ASTN2: variants seen among roughly 807,000 people sequenced by gnomAD.
The protein encoded by ASTN2 is astrotactin-2.
A neutral mutation model predicts 139.8 loss-of-function variants in ASTN2; 54 were observed. The observed-to-expected ratio is 0.39, with a 90% CI of 0.31 to 0.48. The LOEUF is 0.48. Ranked by LOEUF, ASTN2 falls within the 20% of genes least tolerant of loss-of-function variation. ASTN2 has a pLI of 0.95. For synonymous variants in ASTN2, 756 were observed against 719.5 expected, an observed-to-expected ratio of 1.05 and a Z score of -0.81; for missense variants, 1,565 against 1,725.1, an observed-to-expected ratio of 0.91 and a Z score of 1.64.
chr9:117,010,325 C>T (rs1451225450), intron 6 of ASTN2, among the ~76,000 whole-genome samples: 1 of 152,064 alleles, frequency 6.6e-6, no homozygotes, highest in Non-Finnish European at 1.5e-5. Context: ...ACATCAGTAC[C>T]AACTACAGAT....
chr9:117,268,631 C>A (rs536924799), intron 2 of ASTN2, among the ~76,000 whole-genome samples: 1 of 152,310 alleles, frequency 6.6e-6, no homozygotes, highest in South Asian at 2.1e-4. Flanking sequence ...GTGCTTAACA[C>A]AAGACCTTGT....
chr9:116,472,584 T>G (rs745922527), intron 20 of ASTN2, among the ~76,000 whole-genome samples: 30 of 152,064 alleles, frequency 2.0e-4, no homozygotes, highest in Non-Finnish European at 2.8e-4. Context: ...CAAGTGCAGA[T>G]TTTGGAGCTA....
chr9:117,254,630 A>T (rs577376598), intron 2 of ASTN2, among the ~76,000 whole-genome samples: 51 of 152,318 alleles, frequency 3.3e-4, no homozygotes, highest in African/African-American at 1.2e-3. Context: ...ATTATGTCCC[A>T]TTGGGGCCCA....
chr9:116,534,387 T>C (rs1007176244), intron 19 of ASTN2, among the ~76,000 whole-genome samples: 5 of 152,220 alleles, frequency 3.3e-5, no homozygotes, highest in African/African-American at 1.2e-4. Flanking sequence ...TCTTAGTTAT[T>C]TCTTGCCTTC....
rs769778007 is a variant in ASTN2, at chr9:117,360,631, G to A, written c.442+53866C>T. Among the ~76,000 whole-genome samples the A allele has an allele frequency of 7.6e-4, 115 of 152,184 alleles. 1 individual carries two copies. Among genetic ancestry groups the A allele is most frequent in the Non-Finnish European group, 1.1e-3 (76 of 68,008 alleles). On this transcript the variant is annotated intron_variant, in intron 1 of 22. Coordinates refer to ENST00000313400, the MANE Select transcript of ASTN2 (RefSeq NM_001365068.1). ...AGCTGTGCAGATAACCAGAATTGAT[G>A]AGGTTTCTTTCCAAGTTCATGACTC...
At chr9:116,462,819 T>TGTGTGC (rs1180092628) in intron 20 of ASTN2, among the ~76,000 whole-genome samples, 3 of 151,678 alleles carry the variant, frequency 2.0e-5, no homozygotes, top group African/African-American at 7.3e-5. Context: ...TGTGTGTGTG[T>TGTGTGC]GTGTGTGTGT....
At chr9:116,768,689 C>T (rs140743587) in intron 13 of ASTN2, among the ~76,000 whole-genome samples, 8 of 152,110 alleles carry the variant, frequency 5.3e-5, no homozygotes, top group Non-Finnish European at 1.0e-4. Context: ...CTGAGAGACC[C>T]GCTTGCCTCT....
chr9:117,141,276 T>C (rs1193869279), intron 4 of ASTN2, 50 bp downstream of exon 4: 1 of 1,353,918 alleles, frequency 7.4e-7, no homozygotes, highest in Non-Finnish European at 9.9e-7. Context: ...ATCTTTGGAA[T>C]CAGAGGACAA....
rs1376188013 is a variant in ASTN2, at chr9:116,733,536, G to A, written c.2397-13C>T. The A allele has an allele frequency of 6.2e-7, 1 of 1,614,070 alleles. No homozygotes were observed. On this transcript the variant is annotated splice_polypyrimidine_tract_variant and intron_variant, in intron 13 of 22. Transcript: ENST00000313400. ...GAAGTTGTTCTCCCTGTGGAGAGGA[G>A]CAGAGAGACTGCCAAATCGAGGAAG...
chr9:116,667,700 T>G (rs1414973453), intron 16 of ASTN2, among the ~76,000 whole-genome samples: 1 of 152,202 alleles, frequency 6.6e-6, no homozygotes, highest in Non-Finnish European at 1.5e-5. Flanking sequence ...TGTACTGTTT[T>G]GATTCTTTCT....
chr9:116,564,494 G>A (rs1235459688), intron 19 of ASTN2, among the ~76,000 whole-genome samples: 1 of 152,200 alleles, frequency 6.6e-6, no homozygotes, highest in Non-Finnish European at 1.5e-5. Flanking sequence ...AAACGGGTGT[G>A]TAACAAAGTC....
intron 1 of ASTN2, among the ~76,000 whole-genome samples, chr9:117,382,191 T>C (rs973324179): frequency 3.3e-5 from 5 of 152,042 alleles, no homozygotes; most frequent in African/African-American, 1.2e-4. Flanking sequence ...TGCCCAGTTG[T>C]AGGAGTCCAA....
intron 11 of ASTN2, among the ~76,000 whole-genome samples, chr9:116,832,562 A>T (rs1399772320): frequency 6.6e-6 from 1 of 152,010 alleles, no homozygotes; most frequent in African/African-American, 2.4e-5. Context: ...AAGTTTTAAA[A>T]ATCATTTTCG....
intron 13 of ASTN2, among the ~76,000 whole-genome samples, chr9:116,761,418 A>G (rs1829669327): frequency 6.6e-6 from 1 of 152,234 alleles, no homozygotes; most frequent in Non-Finnish European, 1.5e-5. Context: ...CTGCAAGAGA[A>G]GAGCGCAGAG....
intron 19 of ASTN2, among the ~76,000 whole-genome samples, chr9:116,614,165 G>A (rs916941641): frequency 1.3e-5 from 2 of 152,086 alleles, no homozygotes; most frequent in Non-Finnish European, 2.9e-5. Flanking sequence ...CAACTTACAA[G>A]GGATGTGAAG....
At chr9:116,819,870 T>C (rs2132268945) in intron 12 of ASTN2, among the ~76,000 whole-genome samples, 1 of 152,324 alleles carries the variant, frequency 6.6e-6, no homozygotes, top group Non-Finnish European at 1.5e-5. Context: ...TTGCAGTCTT[T>C]AAATGGAAAG....
At chr9:117,281,771 C>T (rs955986337) in intron 2 of ASTN2, among the ~76,000 whole-genome samples, 2 of 152,132 alleles carry the variant, frequency 1.3e-5, no homozygotes, top group South Asian at 2.1e-4. Flanking sequence ...TCCCTTCTCC[C>T]AGACTCCCTG....
chr9:116,995,755 C>T (rs1836995325), intron 7 of ASTN2, among the ~76,000 whole-genome samples: 1 of 152,264 alleles, frequency 6.6e-6, no homozygotes, highest in South Asian at 2.1e-4. Flanking sequence ...ATTTAGTTTC[C>T]TCACTTGTAA....
At chr9:117,411,446 CAAAAAAAAAA>C (rs199996219) in intron 1 of ASTN2, among the ~76,000 whole-genome samples, 2 of 43,224 alleles carry the variant, frequency 4.6e-5, no homozygotes, top group Admixed American at 2.3e-4. Flanking sequence ...AAAGGATCTG[CAAAAAAAAAA>C]AAAAAAAAAA....
Sources: allele counts gnomAD v4.1 joint callset (sites outside exome capture counted in the v4.1 genomes callset), GRCh38; gene constraint gnomAD v4.1.1; transcripts MANE v1.5; gene names NCBI Gene and HGNC (gene_info 2026-07-23, HGNC 2026-07-21).